Variants in DSCAM observed in about 807,000 individuals in gnomAD.
The protein encoded by DSCAM is DS cell adhesion molecule.
A neutral mutation model predicts 217.7 loss-of-function variants in DSCAM; 47 were observed. The ratio of observed to expected loss-of-function variants is 0.22; its 90% CI spans 0.17 to 0.28. The LOEUF (loss-of-function observed/expected upper bound fraction) is 0.28, where lower values mean the gene tolerates loss of function less well. Ranked by LOEUF, DSCAM falls within the 10% of genes least tolerant of loss-of-function variation. The pLI is 1.00. For synonymous variants in DSCAM, 1,056 were observed against 1,015.3 expected (o/e 1.04, Z -0.76); for missense variants, 2,080 against 2,618.3 (o/e 0.79, Z 4.49).
chr21:40,466,876 CACTTACAAGA>C (rs2075849749), intron 3 of DSCAM, among the ~76,000 whole-genome samples: 1 of 152,216 alleles, frequency 6.6e-6, no homozygotes, highest in Non-Finnish European at 1.5e-5. Context: ...TTTCCAAAAA[CACTTACAAGA>C]ACTGAGTTGA....
chr21:40,725,940 A>G (rs1352747894), intron 1 of DSCAM, among the ~76,000 whole-genome samples: 1 of 152,324 alleles, frequency 6.6e-6, no homozygotes, highest in African/African-American at 2.4e-5. Context: ...AAAGCAATTA[A>G]AAAATGAATT....
chr21:40,455,337 C>A (rs12482112), intron 3 of DSCAM, among the ~76,000 whole-genome samples: 1 of 151,000 alleles, frequency 6.6e-6, no homozygotes, highest in Non-Finnish European at 1.5e-5. Flanking sequence ...GAAGTTCAGA[C>A]GAGAGAAAGA....
chr21:40,297,312 T>C (rs77985769), intron 9 of DSCAM, among the ~76,000 whole-genome samples: 6,593 of 152,250 alleles, frequency 0.043, 452 homozygotes, highest in African/African-American at 0.15. Flanking sequence ...ATGTATCACA[T>C]CTCTTAGAAA....
At chr21:40,817,912 A>C (rs949933582) in intron 1 of DSCAM, among the ~76,000 whole-genome samples, 14 of 143,978 alleles carry the variant, frequency 9.7e-5, no homozygotes, top group Non-Finnish European at 1.5e-4. Context: ...CTGGCTAACA[A>C]GGTGAAACCC....
At chr21:40,523,691 T>C (rs940412187) in intron 3 of DSCAM, among the ~76,000 whole-genome samples, 1 of 152,158 alleles carries the variant, frequency 6.6e-6, no homozygotes, top group Non-Finnish European at 1.5e-5. Context: ...CAAGAAATCC[T>C]GGGATACAGA....
intron 32 of DSCAM, among the ~76,000 whole-genome samples, chr21:40,030,939 C>T (rs2088510780): frequency 6.6e-6 from 1 of 152,114 alleles, no homozygotes; most frequent in Non-Finnish European, 1.5e-5. Flanking sequence ...TACCCTGCAA[C>T]CATCCTCCTG....
At chr21:40,447,837 G>A (rs1201420314) in intron 3 of DSCAM, among the ~76,000 whole-genome samples, 3 of 152,194 alleles carry the variant, frequency 2.0e-5, no homozygotes, top group Admixed American at 1.3e-4. Context: ...GAGGAGGAGC[G>A]TGATGCTTAT....
intron 3 of DSCAM, among the ~76,000 whole-genome samples, chr21:40,464,199 C>G (rs1023524477): frequency 3.3e-5 from 5 of 152,212 alleles, no homozygotes; most frequent in African/African-American, 1.2e-4. Context: ...TCTCTGAATG[C>G]CTTGGAGGCT....
chr21:40,179,729 C>T (rs2090778384), intron 14 of DSCAM, among the ~76,000 whole-genome samples: 1 of 152,192 alleles, frequency 6.6e-6, no homozygotes, highest in South Asian at 2.1e-4. Context: ...AATTATTTTT[C>T]AACCACAGCT....
intron 3 of DSCAM, among the ~76,000 whole-genome samples, chr21:40,630,929 A>C (rs1359538190): frequency 6.6e-6 from 1 of 152,198 alleles, no homozygotes; most frequent in East Asian, 1.9e-4. Context: ...TGAAGAATTC[A>C]GGTCAAGGGG....
intron 3 of DSCAM, among the ~76,000 whole-genome samples, chr21:40,575,904 A>C (rs1234333956): frequency 6.6e-6 from 1 of 152,200 alleles, no homozygotes; most frequent in East Asian, 1.9e-4. Context: ...CATCATTAGT[A>C]ATTAGATAAA....
intron 3 of DSCAM, among the ~76,000 whole-genome samples, chr21:40,588,597 G>C (rs928909219): frequency 2.6e-5 from 4 of 152,122 alleles, no homozygotes; most frequent in African/African-American, 9.7e-5. Flanking sequence ...TTCATAAAAA[G>C]TGATGGATAA....
chr21:40,031,863 C>A (rs1334781942), intron 32 of DSCAM, among the ~76,000 whole-genome samples: 3 of 152,182 alleles, frequency 2.0e-5, no homozygotes, highest in Non-Finnish European at 4.4e-5. Context: ...CTCTGTTTAA[C>A]CCCCTTCCAT....
chr21:40,381,767 C>A (rs767611201), intron 3 of DSCAM, among the ~76,000 whole-genome samples: 4 of 152,136 alleles, frequency 2.6e-5, no homozygotes, highest in Non-Finnish European at 5.9e-5. Context: ...GTTTTTCACA[C>A]TTTGGGTTCA....
At chr21:40,471,685 C>G (rs1036826038) in intron 3 of DSCAM, among the ~76,000 whole-genome samples, 1 of 152,204 alleles carries the variant, frequency 6.6e-6, no homozygotes, top group Non-Finnish European at 1.5e-5. Context: ...TGGTTTCACA[C>G]TCCTACGCAG....
chr21:40,628,487 G>A lies in DSCAM; in HGVS notation c.508+64323C>T, dbSNP rs371459595. Among the ~76,000 whole-genome samples the A allele has an allele frequency of 6.6e-4, 101 of 152,222 alleles. No homozygotes were observed. In the Middle Eastern group the frequency reaches 0.01, roughly 15 times the overall value. On this transcript the variant is annotated intron_variant, in intron 3 of 32. Transcript: ENST00000400454. ...ACTGTTTGTTTTTGTAAATAAATCC[G>A]TATTGGAACACAGCCAAGATCATTT... is the stretch of plus-strand genomic sequence containing the variant.
chr21:40,546,502 T>C (rs1229563010), intron 3 of DSCAM, among the ~76,000 whole-genome samples: 2 of 152,338 alleles, frequency 1.3e-5, no homozygotes, highest in East Asian at 3.9e-4. Context: ...CACCTCAGTT[T>C]CCATGTGAGG....
At chr21:40,640,665 C>T (rs1166111568) in intron 3 of DSCAM, among the ~76,000 whole-genome samples, 1 of 152,144 alleles carries the variant, frequency 6.6e-6, no homozygotes, top group Non-Finnish European at 1.5e-5. Context: ...TAAACAGGCC[C>T]AAGAGATGTG....
chr21:40,013,517 A>G, intron 32 of DSCAM, 131 bp from the exon 33 acceptor site: 3 of 621,314 alleles, frequency 4.8e-6, no homozygotes, highest in Non-Finnish European at 7.6e-6. Context: ...GCCTTTCTCA[A>G]GATCCTCCTT....
Sources: gnomAD v4.1 joint callset for allele counts (sites outside exome capture counted in the v4.1 genomes callset) on GRCh38, gnomAD v4.1.1 for gene constraint, MANE v1.5 for transcripts, NCBI Gene and HGNC (gene_info 2026-07-23, HGNC 2026-07-21) for gene names.